The following DNAH14 variants were observed in gnomAD, a reference collection of about 807,000 sequenced individuals.
The protein encoded by DNAH14 is dynein axonemal heavy chain 14.
In DNAH14, 478 loss-of-function variants were observed where a neutral mutation model predicts 520.9. That is an observed-to-expected ratio of 0.92 (90% CI 0.85 to 0.99). The LOEUF (loss-of-function observed/expected upper bound fraction) is 0.99, where lower values mean the gene tolerates loss of function less well. Ranked by LOEUF, DNAH14 falls within the 50% of genes least tolerant of loss-of-function variation. The pLI is 0.00. For missense variants in DNAH14, 4,831 were observed against 5,234.5 expected (o/e 0.92, Z 2.38); for synonymous variants, 1,581 against 1,757.2 (o/e 0.90, Z 2.51).
In DNAH14 at chr1:225,364,914, G is replaced by T; in HGVS notation, c.12090+20G>T. The T allele has an allele frequency of 6.6e-7, 1 of 1,509,482 alleles. No homozygotes were observed. The highest frequency in any genetic ancestry group is 1.3e-5 in the South Asian group (1 of 79,592). 93.5% of individuals were successfully genotyped at this position (1,509,482 alleles called of 1,614,324 possible). A position where few individuals can be genotyped will look rare whatever the true frequency, so the allele number is the denominator to read the frequency against. On this transcript the variant is annotated intron_variant, in intron 76 of 85. Transcript: ENST00000682510. ...TTAAAGGTAAGAACAAAGTATAACA[G>T]ATTTAATGTTGACTGAGGAGCCCTG...
chr1:225,123,800 T>C lies in DNAH14; in HGVS notation c.4254+186T>C, dbSNP rs144201826. 5.1e-4 allele frequency among the ~76,000 whole-genome samples: 77 copies of C among 152,262 alleles called. No homozygotes were observed. The East Asian group carries it at 8.9e-3, about 18-fold the overall frequency. On this transcript the variant is annotated intron_variant, in intron 27 of 85. Coordinates refer to ENST00000682510, the MANE Select transcript of DNAH14 (RefSeq NM_001367479.1). ...TCTTTTTTTTTTCTGTCACCCAGGC[T>C]GGAGTGCAGTGGTACAATCTCAGCT... is the stretch of plus-strand genomic sequence containing the variant.
At chr1:225,175,701 C>CT (rs35341695) in intron 36 of DNAH14, among the ~76,000 whole-genome samples, 4,968 of 109,156 alleles carry the variant, frequency 0.046, 347 homozygotes, top group African/African-American at 0.12. Context: ...TATTTTGGAT[C>CT]TTTTTTTTTT....
chr1:225,062,631 T>A (rs1396743961), intron 17 of DNAH14, among the ~76,000 whole-genome samples: 5 of 152,188 alleles, frequency 3.3e-5, no homozygotes, highest in Non-Finnish European at 7.3e-5. Context: ...TTCACAAAGA[T>A]GAATTGGAAC....
chr1:225,292,154 C>T (rs2150009892), intron 55 of DNAH14, among the ~76,000 whole-genome samples: 1 of 152,120 alleles, frequency 6.6e-6, no homozygotes, highest in Middle Eastern at 3.4e-3. Flanking sequence ...CTTTTGAGGT[C>T]TTATTTATAA....
intron 55 of DNAH14, 49 bp downstream of exon 55, chr1:225,290,131 G>T: frequency 2.4e-6 from 3 of 1,259,810 alleles, no homozygotes; most frequent in Non-Finnish European, 3.1e-6. Context: ...TATCTATGTG[G>T]CTACCCCCTC....
rs1252047058 is a variant in DNAH14, at chr1:225,271,978, T to A, written c.7744T>A (p.Ser2582Thr). 6 of 1,550,658 alleles carry A rather than the reference T, an allele frequency of 3.9e-6. No individual in the cohort carries two copies. In the Admixed American group the frequency reaches 9.8e-5, roughly 25 times the overall value. ...TCAGAAAAGTAAGGATCAGATAATA[T>A]CTTGTTCCCTAGCTATATACCATCA... The part of the protein sequence containing the change: ...EVQKSKDQII[S>T]CSLAIYHQVR... The change falls in exon 51 of 86, where the codon TCT (serine) becomes ACT (threonine). Residue 2582 changes from serine to threonine, a missense_variant. Coordinates refer to ENST00000682510, the MANE Select transcript of DNAH14 (RefSeq NM_001367479.1).
At chr1:225,050,913 A>T (rs2068477779) in intron 16 of DNAH14, among the ~76,000 whole-genome samples, 1 of 152,208 alleles carries the variant, frequency 6.6e-6, no homozygotes, top group Admixed American at 6.5e-5. Context: ...TTAGATTGTG[A>T]TAAGGGATGC....
intron 55 of DNAH14, 52 bp downstream of exon 55, chr1:225,290,134 A>C: frequency 8.1e-7 from 1 of 1,228,772 alleles, no homozygotes; most frequent in Non-Finnish European, 1.1e-6. Context: ...CTATGTGGCT[A>C]CCCCCTCCCC....
In DNAH14 at chr1:225,173,075, A is replaced by G. The variant is rs1344655367; in HGVS notation, c.5535+5047A>G. Among the ~76,000 whole-genome samples the G allele has an allele frequency of 3.4e-4, 51 of 152,230 alleles. No homozygotes were observed. The South Asian group carries it at 5.0e-3, about 15-fold the overall frequency. On this transcript the variant is annotated intron_variant, in intron 36 of 85. Coordinates refer to ENST00000682510, the MANE Select transcript of DNAH14 (RefSeq NM_001367479.1). ...AGCCATATGTAGAAAGCTGAAACTGAATCCCTTCCTTACACCTTATACAAA... is the reference window on the plus strand; with the variant it reads ...AGCCATATGTAGAAAGCTGAAACTGGATCCCTTCCTTACACCTTATACAAA...
chr1:225,114,891 C>T (rs1405021893), intron 23 of DNAH14, among the ~76,000 whole-genome samples: 2 of 152,210 alleles, frequency 1.3e-5, no homozygotes, highest in African/African-American at 4.8e-5. Context: ...GTTTTTCCTA[C>T]TCTCTTAAGT....
chr1:224,998,030 T>C (rs894770298), intron 8 of DNAH14, among the ~76,000 whole-genome samples: 1 of 152,192 alleles, frequency 6.6e-6, no homozygotes, highest in Non-Finnish European at 1.5e-5. Context: ...GTTTGTGTTT[T>C]TTGAGGAATT....
intron 3 of DNAH14, among the ~76,000 whole-genome samples, chr1:224,959,420 C>A (rs1029484870): frequency 6.6e-6 from 1 of 152,118 alleles, no homozygotes; most frequent in African/African-American, 2.4e-5. Flanking sequence ...ATAAAACTTA[C>A]TGTTTATTTC....
At position 225,217,703 on chromosome 1, in the gene DNAH14, G is replaced by T. The variant is rs562960894; in HGVS notation, c.6439+10483G>T. On this transcript the variant is annotated intron_variant, in intron 41 of 85. Transcript: ENST00000682510. ...CATGGGTGTGGGACCCTCCGAGCCA[G>T]GCGCTGGATATAATCTCCTGGTGTG... is the stretch of plus-strand genomic sequence containing the variant. Among the ~76,000 whole-genome samples the T allele has an allele frequency of 4.9e-4, 75 of 152,334 alleles. 1 individual carries two copies. The highest frequency in any genetic ancestry group is 9.7e-4 in the East Asian group (5 of 5,178).
At chr1:225,006,068 C>A (rs929741191) in intron 9 of DNAH14, among the ~76,000 whole-genome samples, 2 of 152,088 alleles carry the variant, frequency 1.3e-5, no homozygotes, top group South Asian at 4.1e-4. Flanking sequence ...CAGATAAATA[C>A]TTTTATAATT....
intron 79 of DNAH14, among the ~76,000 whole-genome samples, chr1:225,379,393 T>C (rs1014154618): frequency 1.3e-5 from 2 of 152,218 alleles, no homozygotes; most frequent in African/African-American, 4.8e-5. Context: ...AGATCATCCA[T>C]AGCATAATTT....
At chr1:225,043,673 A>T in intron 13 of DNAH14, 71 bp from the exon 14 acceptor site, 1 of 1,141,484 alleles carries the variant, frequency 8.8e-7, no homozygotes, top group Non-Finnish European at 1.3e-6. Flanking sequence ...GGCATATATT[A>T]ATTTGTCATT....
intron 27 of DNAH14, among the ~76,000 whole-genome samples, chr1:225,138,065 C>T (rs1335590205): frequency 1.3e-5 from 2 of 152,104 alleles, no homozygotes; most frequent in East Asian, 1.9e-4. Context: ...TTCATCTCCA[C>T]AGCTGAGACT....
intron 54 of DNAH14, among the ~76,000 whole-genome samples, chr1:225,280,886 A>G (rs541364396): frequency 6.6e-6 from 1 of 152,210 alleles, no homozygotes; most frequent in Non-Finnish European, 1.5e-5. Context: ...TTTATGTTCA[A>G]GAAAACTATT....
intron 1 of DNAH14, among the ~76,000 whole-genome samples, chr1:224,945,337 G>A (rs1230044883): frequency 6.6e-6 from 1 of 152,130 alleles, no homozygotes. Flanking sequence ...TTGGTTGTCA[G>A]CTCCATCAGC....
Sources: gnomAD v4.1 joint callset for allele counts (sites outside exome capture counted in the v4.1 genomes callset) on GRCh38, gnomAD v4.1.1 for gene constraint, MANE v1.5 for transcripts, NCBI Gene and HGNC (gene_info 2026-07-23, HGNC 2026-07-21) for gene names.